GRM5: variants seen among roughly 807,000 people sequenced by gnomAD.
GRM5 encodes glutamate metabotropic receptor 5.
A neutral mutation model predicts 83.1 loss-of-function variants in GRM5; 19 were observed. The ratio of observed to expected loss-of-function variants is 0.23; its 90% CI spans 0.16 to 0.34. The LOEUF is 0.34. Ranked by LOEUF, GRM5 falls within the 10% of genes least tolerant of loss-of-function variation. The pLI is 1.00. For missense variants in GRM5, 1,160 were observed against 1,588.3 expected (o/e 0.73, Z 4.58); for synonymous variants, 675 against 633.6 (o/e 1.07, Z -0.98).
chr11:88,978,377 G>A (rs1345668863), intron 2 of GRM5, among the ~76,000 whole-genome samples: 1 of 151,140 alleles, frequency 6.6e-6, no homozygotes, highest in African/African-American at 2.4e-5. Flanking sequence ...TGTACAGCAG[G>A]GGTGTCTACT....
intron 3 of GRM5, among the ~76,000 whole-genome samples, chr11:88,705,698 TCTTCCACACA>T (rs1941139734): frequency 6.6e-6 from 1 of 151,758 alleles, no homozygotes; most frequent in South Asian, 2.1e-4. Flanking sequence ...ATATATTCCA[TCTTCCACACA>T]CTTGCCAAGA....
chr11:88,977,989 A>G (rs1418253283), intron 2 of GRM5, among the ~76,000 whole-genome samples: 1 of 152,222 alleles, frequency 6.6e-6, no homozygotes, highest in East Asian at 1.9e-4. Context: ...ATTTCTGCTT[A>G]TACATCCTTA....
chr11:88,785,576 T>A (rs374314037), intron 3 of GRM5, among the ~76,000 whole-genome samples: 3 of 152,112 alleles, frequency 2.0e-5, no homozygotes, highest in African/African-American at 7.2e-5. Flanking sequence ...GTACTTACGA[T>A]GTTAAAAACA....
intron 2 of GRM5, among the ~76,000 whole-genome samples, chr11:89,027,489 G>A (rs1449032672): frequency 5.9e-5 from 9 of 152,162 alleles, no homozygotes; most frequent in African/African-American, 2.2e-4. Context: ...GGAAGACTAG[G>A]AAGTTTGGTT....
chr11:88,811,909 A>G (rs117229645), intron 3 of GRM5, among the ~76,000 whole-genome samples: 110 of 152,192 alleles, frequency 7.2e-4, no homozygotes, highest in Middle Eastern at 3.4e-3. Flanking sequence ...ACAGCCAGAA[A>G]TGACATACTC....
At chr11:88,760,024 C>T (rs1407146684) in intron 3 of GRM5, among the ~76,000 whole-genome samples, 1 of 152,026 alleles carries the variant, frequency 6.6e-6, no homozygotes, top group African/African-American at 2.4e-5. Flanking sequence ...TTCTTTGAAA[C>T]TAATGGGAAC....
At chr11:88,517,964 G>A (rs986993010) in intron 9 of GRM5, among the ~76,000 whole-genome samples, 1 of 151,894 alleles carries the variant, frequency 6.6e-6, no homozygotes, top group African/African-American at 2.4e-5. Context: ...TTTTTCACAG[G>A]CAAGAACAGC....
chr11:88,891,019 T>C (rs535358610), intron 2 of GRM5, among the ~76,000 whole-genome samples: 1 of 152,226 alleles, frequency 6.6e-6, no homozygotes, highest in Non-Finnish European at 1.5e-5. Flanking sequence ...TTAAGCATGT[T>C]GTGGAAAGAT....
intron 4 of GRM5, among the ~76,000 whole-genome samples, chr11:88,620,803 C>A (rs1938612795): frequency 6.6e-6 from 1 of 152,150 alleles, no homozygotes; most frequent in East Asian, 1.9e-4. Flanking sequence ...TGTAGAGACA[C>A]CAGTTCATAA....
intron 4 of GRM5, among the ~76,000 whole-genome samples, chr11:88,617,787 T>C (rs1373386355): frequency 6.6e-6 from 1 of 152,138 alleles, no homozygotes; most frequent in South Asian, 2.1e-4. Flanking sequence ...TTGGTTCCCA[T>C]GGCAGGGTGA....
At position 88,590,587 on chromosome 11, in the gene GRM5, T is replaced by TTTATATG; in HGVS notation, c.1690+13_1690+14insCATATAA. ...TTCAGTTAATTTATATGTGGTGAGA[T>TTTATATG]TGTGATAGATTACCTGTGAGATCAT... On this transcript the variant is annotated intron_variant, in intron 7 of 9. Transcript: ENST00000305447. 4 of 1,609,190 alleles carry TTTATATG rather than the reference T, an allele frequency of 2.5e-6. No homozygotes were observed. The South Asian group carries it at 4.4e-5, about 18-fold the overall frequency.
chr11:88,534,545 C>T (rs531540285), intron 8 of GRM5, among the ~76,000 whole-genome samples: 8 of 152,302 alleles, frequency 5.3e-5, no homozygotes, highest in South Asian at 4.1e-4. Context: ...CCTGTACACC[C>T]GTTGTATCTA....
chr11:88,540,497 C>T (rs1412568755), intron 8 of GRM5, among the ~76,000 whole-genome samples: 6 of 152,050 alleles, frequency 3.9e-5, no homozygotes, highest in Non-Finnish European at 8.8e-5. Context: ...ATCATGCTTA[C>T]TTTTGATAGA....
chr11:88,646,893 T>C (rs1485260436), intron 4 of GRM5, among the ~76,000 whole-genome samples: 1 of 48,504 alleles, frequency 2.1e-5, no homozygotes, highest in African/African-American at 3.4e-5. Context: ...AAGGTTGCCA[T>C]TACAAAAAAA....
intron 3 of GRM5, among the ~76,000 whole-genome samples, chr11:88,782,050 G>T (rs1942985431): frequency 6.6e-6 from 1 of 151,920 alleles, no homozygotes; most frequent in Admixed American, 6.6e-5. Context: ...TTATAATTTG[G>T]ATTCTCTACA....
intron 2 of GRM5, among the ~76,000 whole-genome samples, chr11:88,922,636 A>G (rs1219034490): frequency 6.6e-6 from 1 of 152,114 alleles, no homozygotes; most frequent in Non-Finnish European, 1.5e-5. Context: ...AAAAGAAAAC[A>G]TCTGGGAAAG....
chr11:88,547,248 T>C (rs747284629), intron 8 of GRM5, among the ~76,000 whole-genome samples: 1 of 152,166 alleles, frequency 6.6e-6, no homozygotes, highest in African/African-American at 2.4e-5. Flanking sequence ...AGTTTGGATA[T>C]GTTAAGGTTG....
intron 2 of GRM5, among the ~76,000 whole-genome samples, chr11:89,030,287 C>G (rs935955053): frequency 1.7e-4 from 26 of 152,078 alleles, no homozygotes; most frequent in African/African-American, 6.3e-4. Context: ...AGCCCAAATG[C>G]TTTTTTTCTT....
At chr11:89,017,932 C>T (rs1940899233) in intron 2 of GRM5, among the ~76,000 whole-genome samples, 4 of 152,124 alleles carry the variant, frequency 2.6e-5, no homozygotes, top group South Asian at 2.1e-4. Context: ...TTCTTACCAC[C>T]TCTTTCTCCA....
Sources: gnomAD v4.1 joint callset for allele counts (sites outside exome capture counted in the v4.1 genomes callset) on GRCh38, gnomAD v4.1.1 for gene constraint, MANE v1.5 for transcripts, NCBI Gene and HGNC (gene_info 2026-07-23, HGNC 2026-07-21) for gene names.